Variants in MARCHF3 observed in about 807,000 individuals in gnomAD.
The protein encoded by MARCHF3 is membrane associated ring-CH-type finger 3, also known as E3 ubiquitin-protein ligase MARCHF3.
A neutral mutation model predicts 24.2 loss-of-function variants in MARCHF3; 13 were observed. The ratio of observed to expected loss-of-function variants is 0.54; its 90% CI spans 0.35 to 0.85. The LOEUF is 0.85. Ranked by LOEUF, MARCHF3 falls within the 40% of genes least tolerant of loss-of-function variation. MARCHF3 has a pLI of 0.01. For missense variants in MARCHF3, 276 were observed against 325.0 expected, an observed-to-expected ratio of 0.85 and a Z score of 1.16; for synonymous variants, 144 against 137.3, an observed-to-expected ratio of 1.05 and a Z score of -0.34.
intron 4 of MARCHF3, among the ~76,000 whole-genome samples, chr5:126,871,289 C>T (rs113885461): frequency 0.02 from 2,972 of 152,324 alleles, 48 homozygotes; most frequent in South Asian, 0.036. Flanking sequence ...ACCCTTTGTA[C>T]TGTCCTGTGG....
chr5:127,026,285 C>T (rs1245213224), intron 1 of MARCHF3, among the ~76,000 whole-genome samples: 1 of 151,952 alleles, frequency 6.6e-6, no homozygotes, highest in Non-Finnish European at 1.5e-5. Context: ...TCCAATCACA[C>T]AGAAGCTAGG....
intron 1 of MARCHF3, among the ~76,000 whole-genome samples, chr5:126,968,465 T>C (rs1326835773): frequency 6.6e-6 from 1 of 152,270 alleles, no homozygotes; most frequent in Non-Finnish European, 1.5e-5. Flanking sequence ...TTGTGTTTAT[T>C]TGCATTTCCC....
intron 3 of MARCHF3, among the ~76,000 whole-genome samples, chr5:126,910,365 C>G (rs1754474548): frequency 6.6e-6 from 1 of 152,182 alleles, no homozygotes; most frequent in Non-Finnish European, 1.5e-5. Context: ...AACTGGTCAA[C>G]CAGAAATGCA....
chr5:126,960,544 T>TTTA (rs56816601), intron 1 of MARCHF3, among the ~76,000 whole-genome samples: 14,214 of 152,110 alleles, frequency 0.093, 1,485 homozygotes, highest in African/African-American at 0.26. Flanking sequence ...TTTTTAATTT[T>TTTA]TTAACACTTA....
At chr5:126,991,898 C>T (rs1751776105) in intron 1 of MARCHF3, among the ~76,000 whole-genome samples, 1 of 152,116 alleles carries the variant, frequency 6.6e-6, no homozygotes, top group African/African-American at 2.4e-5. Context: ...AAGATATTTC[C>T]ATTGACTTTC....
intron 3 of MARCHF3, among the ~76,000 whole-genome samples, chr5:126,902,421 G>C (rs1754138252): frequency 6.6e-6 from 1 of 152,092 alleles, no homozygotes. Flanking sequence ...TATCAAGGTG[G>C]ACAGAGGTCC....
chr5:126,992,587 T>G (rs1170854324), intron 1 of MARCHF3, among the ~76,000 whole-genome samples: 2 of 152,138 alleles, frequency 1.3e-5, no homozygotes, highest in African/African-American at 4.8e-5. Flanking sequence ...TTCTACTACG[T>G]AGAAATTACG....
chr5:126,870,014 C>T lies in MARCHF3; in HGVS notation c.*619G>A, dbSNP rs1752911978. 1 of 150,260 alleles carries T rather than the reference C, an allele frequency of 6.7e-6. No homozygotes were observed. The highest frequency in any genetic ancestry group is 6.6e-5 in the Admixed American group (1 of 15,154). 9.3% of individuals were successfully genotyped at this position (150,260 alleles called of 1,614,324 possible). On this transcript the variant is annotated 3_prime_UTR_variant, in exon 5 of 5. Coordinates refer to ENST00000308660, the MANE Select transcript of MARCHF3 (RefSeq NM_178450.5). ...CACTGTGTGAGCTCACGCCCTTTTTCCCTTTAAAAACTGAATAATTAAATG... is the reference window on the plus strand; with the variant it reads ...CACTGTGTGAGCTCACGCCCTTTTTTCCTTTAAAAACTGAATAATTAAATG...
chr5:127,011,271 G>C (rs1408849563), intron 1 of MARCHF3, among the ~76,000 whole-genome samples: 1 of 152,164 alleles, frequency 6.6e-6, no homozygotes, highest in Non-Finnish European at 1.5e-5. Context: ...CTTCTGTGAA[G>C]GACTAATGCT....
chr5:127,003,130 G>GA (rs113015192), intron 1 of MARCHF3, among the ~76,000 whole-genome samples: 6,021 of 138,146 alleles, frequency 0.044, 128 homozygotes, highest in Non-Finnish European at 0.044. Flanking sequence ...AAAGAAAAAA[G>GA]AAAAAAAAAA....
chr5:126,931,610 C>G (rs1028568081), intron 1 of MARCHF3, among the ~76,000 whole-genome samples: 2 of 144,694 alleles, frequency 1.4e-5, no homozygotes, highest in Admixed American at 7.0e-5. Flanking sequence ...CACACACACA[C>G]AGGCTCTATA....
intron 1 of MARCHF3, among the ~76,000 whole-genome samples, chr5:126,966,902 A>G (rs535340379): frequency 8.4e-5 from 1 of 11,866 alleles, no homozygotes. Flanking sequence ...GGGCTGTGAG[A>G]GCCTTTTTTT....
At chr5:126,999,554 C>G (rs979346557) in intron 1 of MARCHF3, among the ~76,000 whole-genome samples, 3 of 152,360 alleles carry the variant, frequency 2.0e-5, no homozygotes, top group Non-Finnish European at 2.9e-5. Flanking sequence ...CCCTCCATTA[C>G]AGCTTCACCA....
intron 1 of MARCHF3, among the ~76,000 whole-genome samples, chr5:126,968,484 A>G (rs1450366579): frequency 6.6e-6 from 1 of 152,222 alleles, no homozygotes; most frequent in Non-Finnish European, 1.5e-5. Flanking sequence ...CCTAATGACT[A>G]AAGAGGCTGA....
intron 3 of MARCHF3, among the ~76,000 whole-genome samples, chr5:126,906,073 T>A (rs1327718539): frequency 1.3e-5 from 2 of 150,786 alleles, no homozygotes; most frequent in South Asian, 2.1e-4. Flanking sequence ...ATTGAGATAA[T>A]CATGTGGTTT....
At chr5:126,975,701 C>T (rs916092684) in intron 1 of MARCHF3, among the ~76,000 whole-genome samples, 2 of 152,146 alleles carry the variant, frequency 1.3e-5, no homozygotes, top group African/African-American at 4.8e-5. Context: ...CTGTTGGCAA[C>T]CCACCTGAAG....
intron 1 of MARCHF3, among the ~76,000 whole-genome samples, chr5:127,027,425 G>C (rs142768761): frequency 6.6e-6 from 1 of 152,220 alleles, no homozygotes; most frequent in East Asian, 1.9e-4. Context: ...AAGAGAAAAA[G>C]GGTGCCTCAT....
intron 1 of MARCHF3, among the ~76,000 whole-genome samples, chr5:126,921,182 C>T (rs1016479813): frequency 4.6e-5 from 7 of 152,114 alleles, no homozygotes; most frequent in Non-Finnish European, 1.0e-4. Flanking sequence ...CTAAGACTGG[C>T]ATGCCAGCAA....
chr5:126,962,510 T>C (rs1750670827), intron 1 of MARCHF3, among the ~76,000 whole-genome samples: 1 of 151,948 alleles, frequency 6.6e-6, no homozygotes, highest in African/African-American at 2.4e-5. Context: ...TGTTCCAAAA[T>C]AGGAAACTTT....
Sources: allele counts gnomAD v4.1 joint callset (sites outside exome capture counted in the v4.1 genomes callset), GRCh38; gene constraint gnomAD v4.1.1; transcripts MANE v1.5; gene names NCBI Gene and HGNC (gene_info 2026-07-23, HGNC 2026-07-21).